Variants in RARB observed in about 807,000 individuals in gnomAD.
RARB encodes the protein HBV-activated protein.
A neutral mutation model predicts 51.9 loss-of-function variants in RARB; 17 were observed. The observed-to-expected ratio is 0.33, with a 90% CI of 0.22 to 0.49. The LOEUF is 0.49. Ranked by LOEUF, RARB falls within the 20% of genes least tolerant of loss-of-function variation. The probability of loss-of-function intolerance (pLI) is 0.99; values close to 1 mark genes in which losing one functional copy is unlikely to be tolerated. For missense variants in RARB, 369 were observed against 550.8 expected (o/e 0.67, Z 3.30); for synonymous variants, 215 against 195.4 (o/e 1.10, Z -0.84).
chr3:25,158,146 C>G (rs1471552170), intron 4 of RARB, among the ~76,000 whole-genome samples: 6 of 152,198 alleles, frequency 3.9e-5, no homozygotes, highest in African/African-American at 1.4e-4. Context: ...TACCAGCCAG[C>G]CTATCAAGAT....
chr3:25,354,240 T>A (rs939878324), intron 5 of RARB, among the ~76,000 whole-genome samples: 2 of 152,150 alleles, frequency 1.3e-5, no homozygotes, highest in Non-Finnish European at 1.5e-5. Context: ...TTTCTCATGC[T>A]TTTGCATTCA....
At chr3:25,189,381 T>C (rs913944935) in intron 5 of RARB, among the ~76,000 whole-genome samples, 1 of 152,104 alleles carries the variant, frequency 6.6e-6, no homozygotes, top group Non-Finnish European at 1.5e-5. Flanking sequence ...TTTGTAAGCA[T>C]TGAGAAACCA....
chr3:25,387,252 A>G (rs1013817920), intron 5 of RARB, among the ~76,000 whole-genome samples: 2 of 152,200 alleles, frequency 1.3e-5, no homozygotes, highest in African/African-American at 4.8e-5. Context: ...TCCTGGATGG[A>G]CAGGAGGACA....
Position 24,892,934 on chromosome 3 carries a change from A to T in RARB, c.-380+34182A>T, listed in dbSNP as rs574897251. On this transcript the variant is annotated intron_variant, in intron 2 of 11. Transcript: ENST00000383772. ...TGATGTTGTAAGTGGTCTCTTGGCA[A>T]TTGCTTTTCATTCAGGGTAGTATTC... 2.6e-5 allele frequency among the ~76,000 whole-genome samples: 4 copies of T among 152,308 alleles called. No homozygotes were observed. The South Asian group carries it at 8.3e-4, about 32-fold the overall frequency.
chr3:24,961,263 C>CT (rs750388821), intron 2 of RARB, among the ~76,000 whole-genome samples: 5 of 152,284 alleles, frequency 3.3e-5, no homozygotes, highest in Middle Eastern at 6.8e-3. Flanking sequence ...AGGTACCCTG[C>CT]TAGAATAGTT....
rs567612713 is a variant in RARB at position 25,578,340 on chromosome 3, A to G, written c.610-2206A>G. Among the ~76,000 whole-genome samples, 11 of 152,344 alleles carry G rather than the reference A, an allele frequency of 7.2e-5. No homozygotes were observed. The South Asian group carries it at 1.9e-3, about 26-fold the overall frequency. ...TTGCATAATAGTGAGTTAGATTTAC[A>G]TGCCGTTAAGACGGCTGTGCATTAT... On this transcript the variant is annotated intron_variant, in intron 4 of 7. Coordinates refer to ENST00000330688, the MANE Select transcript of RARB (RefSeq NM_000965.5).
At chr3:25,372,925 A>G (rs1706347233) in intron 5 of RARB, among the ~76,000 whole-genome samples, 1 of 152,222 alleles carries the variant, frequency 6.6e-6, no homozygotes, top group African/African-American at 2.4e-5. Context: ...CACAGGATTT[A>G]CTGATGGATT....
intron 1 of RARB, among the ~76,000 whole-genome samples, chr3:25,456,307 G>C (rs995924211): frequency 6.6e-6 from 1 of 152,134 alleles, no homozygotes; most frequent in African/African-American, 2.4e-5. Flanking sequence ...GGAAAGCCAT[G>C]GGCTGTCCCC....
chr3:25,009,156 CTT>C (rs1283433797), intron 2 of RARB, among the ~76,000 whole-genome samples: 19 of 152,236 alleles, frequency 1.2e-4, no homozygotes, highest in African/African-American at 3.4e-4. Context: ...GAGCAAGTCA[CTT>C]AATTCTGGAC....
intron 5 of RARB, among the ~76,000 whole-genome samples, chr3:25,373,902 C>G (rs1169844954): frequency 1.3e-5 from 2 of 152,156 alleles, no homozygotes; most frequent in Non-Finnish European, 2.9e-5. Flanking sequence ...CAGGGTAGCT[C>G]ACACGTGAGA....
At chr3:25,377,714 G>T (rs1007284683) in intron 5 of RARB, among the ~76,000 whole-genome samples, 10 of 152,110 alleles carry the variant, frequency 6.6e-5, no homozygotes, top group Admixed American at 5.9e-4. Context: ...TTGTTCCCTA[G>T]ATCAGAAAAT....
At chr3:25,563,691 A>G (rs1700365627) in intron 3 of RARB, among the ~76,000 whole-genome samples, 2 of 152,236 alleles carry the variant, frequency 1.3e-5, no homozygotes, top group Admixed American at 6.5e-5. Flanking sequence ...TTTAACTAAA[A>G]TTAAAGCATG....
chr3:25,298,693 A>G (rs181074781), intron 5 of RARB, among the ~76,000 whole-genome samples: 33 of 152,254 alleles, frequency 2.2e-4, no homozygotes, highest in African/African-American at 7.5e-4. Context: ...CTTGGGGCCT[A>G]CTGATTCCAA....
chr3:25,007,773 C>T (rs752082504), intron 2 of RARB, among the ~76,000 whole-genome samples: 42 of 151,826 alleles, frequency 2.8e-4, no homozygotes, highest in Non-Finnish European at 8.8e-5. Flanking sequence ...ATGTTTTAAT[C>T]TTCATTTTCA....
intron 3 of RARB, among the ~76,000 whole-genome samples, chr3:25,545,805 G>A (rs1057079223): frequency 9.9e-5 from 15 of 152,240 alleles, no homozygotes; most frequent in East Asian, 7.7e-4. Flanking sequence ...GCACTCTTCC[G>A]GGTGCTGGTG....
At chr3:24,964,584 T>C (rs1696213361) in intron 2 of RARB, among the ~76,000 whole-genome samples, 1 of 152,194 alleles carries the variant, frequency 6.6e-6, no homozygotes, top group Non-Finnish European at 1.5e-5. Context: ...ATTGTGAACA[T>C]GTACAGGCAG....
At chr3:25,070,158 G>C (rs1016506079) in intron 3 of RARB, among the ~76,000 whole-genome samples, 1 of 152,108 alleles carries the variant, frequency 6.6e-6, no homozygotes, top group Non-Finnish European at 1.5e-5. Flanking sequence ...CTTCACCAGC[G>C]CATGGCGTTC....
intron 2 of RARB, among the ~76,000 whole-genome samples, chr3:24,977,406 T>C (rs1324682781): frequency 2.0e-5 from 3 of 152,226 alleles, no homozygotes; most frequent in Non-Finnish European, 4.4e-5. Context: ...TGGAATGTTC[T>C]TCCATTTGTT....
intron 5 of RARB, among the ~76,000 whole-genome samples, chr3:25,369,811 A>G (rs1407632998): frequency 1.3e-5 from 2 of 152,158 alleles, no homozygotes; most frequent in Non-Finnish European, 2.9e-5. Context: ...AATCCCAGCT[A>G]CTAGGGAGGC....
Sources: allele counts gnomAD v4.1 joint callset (sites outside exome capture counted in the v4.1 genomes callset), GRCh38; gene constraint gnomAD v4.1.1; transcripts MANE v1.5; gene names NCBI Gene and HGNC (gene_info 2026-07-23, HGNC 2026-07-21).